The following DOCK8 variants were observed in gnomAD, a reference collection of about 807,000 sequenced individuals.
The protein encoded by DOCK8 is dedicator of cytokinesis protein 8.
DOCK8 carries 141 observed loss-of-function variants against 245.6 expected under a neutral mutation model. That is an observed-to-expected ratio of 0.57 (90% confidence interval 0.50 to 0.66). The LOEUF (loss-of-function observed/expected upper bound fraction) is 0.66. DOCK8 is among the 30% of genes least tolerant of loss of function. DOCK8 has a pLI of 0.00. For missense variants in DOCK8, 2,965 were observed against 2,603.4 expected, an observed-to-expected ratio of 1.14 and a Z score of -3.02; for synonymous variants, 1,168 against 970.2, an observed-to-expected ratio of 1.20 and a Z score of -3.79.
intron 15 of DOCK8, chr9:369,843 C>T: frequency 4.0e-6 from 1 of 252,092 alleles, no homozygotes; most frequent in South Asian, 4.8e-5. Flanking sequence ...TCACTCTTGC[C>T]CAGGCTGGGG....
At chr9:400,958 ACCACCACC>A (rs2055026369) in intron 26 of DOCK8, among the ~76,000 whole-genome samples, 1 of 67,826 alleles carries the variant, frequency 1.5e-5, no homozygotes, top group African/African-American at 3.4e-4. Flanking sequence ...CACCACCACC[ACCACCACC>A]TCCTCCACCA....
chr9:295,948 A>G (rs2049243032), intron 4 of DOCK8, among the ~76,000 whole-genome samples: 1 of 152,230 alleles, frequency 6.6e-6, no homozygotes, highest in South Asian at 2.1e-4. Flanking sequence ...TTTTAAACCT[A>G]ACAGAGAAAG....
At position 240,397 on chromosome 9, in the gene DOCK8, A is replaced by G. The variant is rs558150265; in HGVS notation, c.53+25368A>G. On this transcript the variant is annotated intron_variant, in intron 1 of 47. Transcript: ENST00000432829. Reference sequence around the variant, plus strand: ...TGGCCACAGTTTTTTTTTTTAATGAATGTTTTTCTGAGTAATCTTGGTCCT... The same window carrying G: ...TGGCCACAGTTTTTTTTTTTAATGAGTGTTTTTCTGAGTAATCTTGGTCCT... Among the ~76,000 whole-genome samples the G allele has an allele frequency of 4.0e-5, 6 of 151,882 alleles. No individual in the cohort carries two copies. The South Asian group carries it at 1.2e-3, about 32-fold the overall frequency.
chr9:244,530 C>A (rs1434818619), intron 1 of DOCK8, among the ~76,000 whole-genome samples: 1 of 152,142 alleles, frequency 6.6e-6, no homozygotes, highest in African/African-American at 2.4e-5. Flanking sequence ...TGATTGCCTA[C>A]TTAATGTCTC....
chr9:243,950 C>T (rs192857133), intron 1 of DOCK8, among the ~76,000 whole-genome samples: 3,312 of 151,860 alleles, frequency 0.022, 60 homozygotes, highest in South Asian at 0.048. Flanking sequence ...TTTGGGAGGC[C>T]GAGGCGGGCA....
At chr9:424,517 CT>C (rs2056407531) in intron 33 of DOCK8, among the ~76,000 whole-genome samples, 1 of 152,104 alleles carries the variant, frequency 6.6e-6, no homozygotes, top group South Asian at 2.1e-4. Context: ...TCAAACAATC[CT>C]CCCACCTCAG....
At chr9:365,527 T>C (rs2052942441) in intron 14 of DOCK8, 1 of 440,570 alleles carries the variant, frequency 2.3e-6, no homozygotes, top group Non-Finnish European at 4.5e-6. Flanking sequence ...GTAATGATAA[T>C]AATAGAAGTC....
At position 461,527 on chromosome 9, in the gene DOCK8, ATTTTTTTTTTTT is replaced by A. The variant is rs530827485; in HGVS notation, c.6069-1972_6069-1961del. 1.0e-2 allele frequency among the ~76,000 whole-genome samples: 671 copies of A among 67,296 alleles called. 7 individuals carry two copies. The highest frequency in any genetic ancestry group is 0.065 in the East Asian group (138 of 2,132). 44.1% of individuals were successfully genotyped at this position (67,296 alleles called of 152,430 possible). A position where few individuals can be genotyped will look rare whatever the true frequency, so the allele number is the denominator to read the frequency against. On this transcript the variant is annotated intron_variant, in intron 46 of 47. Coordinates refer to ENST00000432829, the MANE Select transcript of DOCK8 (RefSeq NM_203447.4). ...GAGTTTTTTGTCTTTTAGCAACTGC[ATTTTTTTTTTTT>A]TTTTTTTTTTTTTTTTTGGTGAGAC...
intron 1 of DOCK8, among the ~76,000 whole-genome samples, chr9:259,850 T>C (rs1161195594): frequency 6.6e-6 from 1 of 152,262 alleles, no homozygotes; most frequent in East Asian, 1.9e-4. Flanking sequence ...CGAGAGCTTT[T>C]GTTATCTGTG....
In DOCK8 at chr9:378,149, A is replaced by G. The variant is rs773592305; in HGVS notation, c.2440+938A>G. Among the ~76,000 whole-genome samples the G allele has an allele frequency of 8.6e-4, 131 of 152,330 alleles. 1 individual carries two copies. The highest frequency in any genetic ancestry group is 6.6e-4 in the Non-Finnish European group (45 of 68,038). On this transcript the variant is annotated intron_variant, in intron 20 of 47. Coordinates refer to ENST00000432829, the MANE Select transcript of DOCK8 (RefSeq NM_203447.4). ...CAGCAGCACAGGACAAGACTCCTCA[A>G]AGGGACACAGCTAAATTTTGCAGTG... is the stretch of plus-strand genomic sequence containing the variant.
At chr9:217,494 CAA>C (rs1461540884) in intron 1 of DOCK8, among the ~76,000 whole-genome samples, 2 of 152,142 alleles carry the variant, frequency 1.3e-5, no homozygotes, top group Non-Finnish European at 2.9e-5. Context: ...AGAGCCCCCT[CAA>C]GTTTAATAAA....
rs1420962244 is a variant in DOCK8 at position 271,724 on chromosome 9, C to T, written c.151C>T (p.Gln51Ter). 2 of 1,550,256 alleles carry T rather than the reference C, an allele frequency of 1.3e-6. No individual in the cohort carries two copies. Among genetic ancestry groups the T allele is most frequent in the Non-Finnish European group, 1.7e-6 (2 of 1,145,472 alleles). Residue 51 changes from glutamine (Q) to a stop codon, truncating the protein, a stop_gained, in exon 2 of 48, where the codon CAA becomes TAA. Coordinates refer to ENST00000432829, the MANE Select transcript of DOCK8 (RefSeq NM_203447.4). LOFTEE classifies it high-confidence loss of function. ...SISTSGFPSL[Q>*]LPQFYDPVEP... is the part of the protein sequence containing the mutation. Reference sequence around the variant, plus strand: ...AAGTACCTCTGGCTTCCCCTCTCTTCAACTAGTAAGTATGAGTTCCAGGTT... The same window carrying T: ...AAGTACCTCTGGCTTCCCCTCTCTTTAACTAGTAAGTATGAGTTCCAGGTT...
At chr9:299,734 C>T (rs2049443517) in intron 4 of DOCK8, among the ~76,000 whole-genome samples, 1 of 151,866 alleles carries the variant, frequency 6.6e-6, no homozygotes, top group African/African-American at 2.4e-5. Context: ...GAAGATGGCC[C>T]ATTATGGCCG....
In DOCK8 at chr9:439,363, A is replaced by C; in HGVS notation, c.5198A>C (p.Glu1733Ala). Residue 1733 changes from glutamate (E) to alanine (A), a missense_variant, in exon 40 of 48, where the codon GAG becomes GCG. Transcript: ENST00000432829. ...GAGAGTGGCCTGGTAGGCCTCCTGG[A>C]GCAGGCCGCGGAGCTCTTCAGCACG... ...FTESGLVGLL[E>A]QAAELFSTGG... 6.2e-7 allele frequency: 1 copy of C among 1,613,302 alleles called. No homozygotes were observed. Among genetic ancestry groups the C allele is most frequent in the Non-Finnish European group, 8.5e-7 (1 of 1,179,872 alleles).
At chr9:444,335 A>AAATAGTAATAAT (rs1554709455) in intron 43 of DOCK8, among the ~76,000 whole-genome samples, 1 of 143,622 alleles carries the variant, frequency 7.0e-6, no homozygotes, top group Admixed American at 7.0e-5. Context: ...AAAACAAAGC[A>AAATAGTAATAAT]AATAATAATA....
chr9:462,091 T>G (rs186132145), intron 46 of DOCK8, among the ~76,000 whole-genome samples: 85 of 152,322 alleles, frequency 5.6e-4, no homozygotes, highest in Non-Finnish European at 6.6e-4. Context: ...TTCTTTTGTT[T>G]GATGCATCTG....
At chr9:426,845 T>A in intron 33 of DOCK8, 40 bp from the exon 34 acceptor site, 1 of 1,571,604 alleles carries the variant, frequency 6.4e-7, no homozygotes, top group South Asian at 1.1e-5. Context: ...CCTGGCCAGG[T>A]TTGACATGCG....
chr9:324,841 A>G (rs923068595), intron 7 of DOCK8, among the ~76,000 whole-genome samples: 5 of 152,198 alleles, frequency 3.3e-5, no homozygotes, highest in African/African-American at 1.2e-4. Context: ...TTTTTATTTC[A>G]ATGGCTTTAG....
At chr9:283,530 C>T (rs2048681100) in intron 2 of DOCK8, among the ~76,000 whole-genome samples, 1 of 152,144 alleles carries the variant, frequency 6.6e-6, no homozygotes, top group Non-Finnish European at 1.5e-5. Context: ...ATTCAGGAAT[C>T]TAGCATCCCT....
Sources: gnomAD v4.1 joint callset for allele counts (sites outside exome capture counted in the v4.1 genomes callset) on GRCh38, gnomAD v4.1.1 for gene constraint, MANE v1.5 for transcripts, NCBI Gene and HGNC (gene_info 2026-07-23, HGNC 2026-07-21) for gene names.